The following NRXN2 variants were observed in gnomAD, a reference collection of about 807,000 sequenced individuals.
NRXN2 encodes the protein neurexin 2, also known as neurexin-2-beta.
In NRXN2, 29 loss-of-function variants were observed where a neutral mutation model predicts 128.8. The ratio of observed to expected loss-of-function variants is 0.23; its 90% CI spans 0.17 to 0.31. The LOEUF is 0.31. NRXN2 is among the 10% of genes least tolerant of loss of function. The pLI, the probability that NRXN2 is intolerant of heterozygous loss-of-function variation, is 1.00. For synonymous variants in NRXN2, 1,098 were observed against 1,075.2 expected (o/e 1.02, Z -0.41); for missense variants, 1,881 against 2,452.6 (o/e 0.77, Z 4.92).
At chr11:64,715,297 T>A in intron 1 of NRXN2, among the ~76,000 whole-genome samples, 1 of 152,184 alleles carries the variant, frequency 6.6e-6, no homozygotes, top group East Asian at 1.9e-4. Context: ...TCTGGGGACT[T>A]GCCCAAGGTC....
intron 2 of NRXN2, among the ~76,000 whole-genome samples, chr11:64,708,914 A>C (rs2135659581): frequency 6.6e-6 from 1 of 152,284 alleles, no homozygotes; most frequent in African/African-American, 2.4e-5. Flanking sequence ...TCAGTTGGCC[A>C]GGCGCAGTGG....
chr11:64,704,423 A>G (rs1398252824), intron 2 of NRXN2, among the ~76,000 whole-genome samples: 1 of 152,126 alleles, frequency 6.6e-6, no homozygotes, highest in Non-Finnish European at 1.5e-5. Flanking sequence ...GCCTTGCTCT[A>G]TAGGAGTCAT....
In NRXN2 at chr11:64,658,291, A is replaced by G. The variant is rs1443758900; in HGVS notation, c.2389+2041T>C. Among the ~76,000 whole-genome samples the G allele has an allele frequency of 2.6e-5, 4 of 152,302 alleles. No homozygotes were observed. The East Asian group carries it at 7.7e-4, about 29-fold the overall frequency. On this transcript the variant is annotated intron_variant, in intron 11 of 22. Transcript: ENST00000265459. ...GGGGGGAACTCACACTGGATACACA[A>G]ATCTGGGCAGACTTGGAAGTACAGA...
intron 3 of NRXN2, among the ~76,000 whole-genome samples, chr11:64,693,098 C>T (rs2054045210): frequency 7.5e-6 from 1 of 133,566 alleles, no homozygotes; most frequent in African/African-American, 2.9e-5. Context: ...GCCGAAACAG[C>T]GGGTGGAGGG....
At chr11:64,697,907 C>T (rs893041651) in intron 2 of NRXN2, 115 bp from the exon 3 acceptor site, 1 of 1,208,290 alleles carries the variant, frequency 8.3e-7, no homozygotes, top group African/African-American at 1.5e-5. Context: ...CAAGCCCACC[C>T]AGGCCCTGAC....
chr11:64,667,156 G>T lies in NRXN2; in HGVS notation c.1798+94C>A. On this transcript the variant is annotated intron_variant, in intron 9 of 22. Coordinates refer to ENST00000265459, the MANE Select transcript of NRXN2 (RefSeq NM_015080.4). The surrounding 1 kb of genome is among the most constrained non-coding windows in gnomAD (Gnocchi z 5.6). ...GGCAGGGAAGAATATAGGAAATGGT[G>T]TAGAAGAGACCCGCTGAAGAGAGAC... is the stretch of plus-strand genomic sequence containing the variant. 1 of 1,274,870 alleles carries T rather than the reference G, an allele frequency of 7.8e-7. No individual in the cohort carries two copies. The highest frequency in any genetic ancestry group is 1.1e-6 in the Non-Finnish European group (1 of 890,522). The allele number at this position is 1,274,870 out of a possible 1,614,324, so 79.0% of individuals were successfully genotyped here. A position where few individuals can be genotyped will look rare whatever the true frequency, so the allele number is the denominator to read the frequency against.
At chr11:64,621,080 G>A (rs2042276162) in intron 21 of NRXN2, among the ~76,000 whole-genome samples, 1 of 152,086 alleles carries the variant, frequency 6.6e-6, no homozygotes, top group African/African-American at 2.4e-5. Flanking sequence ...GGGAAGGTGA[G>A]GAGAGAGCTA....
At chr11:64,642,349 T>C (rs1464283743) in intron 17 of NRXN2, among the ~76,000 whole-genome samples, 1 of 144,178 alleles carries the variant, frequency 6.9e-6, no homozygotes, top group East Asian at 2.1e-4. Context: ...AGAGGAGAGA[T>C]GGAGGCAAGG....
intron 7 of NRXN2, chr11:64,675,136 G>A (rs752499147): frequency 1.3e-5 from 2 of 152,258 alleles, no homozygotes; most frequent in African/African-American, 2.4e-5. Context: ...CAATTGGCCA[G>A]CTCCTGACAG....
chr11:64,685,709 G>C lies in NRXN2; in HGVS notation c.1089C>G (p.Pro363=), dbSNP rs145225716. 5 of 1,614,102 alleles carry C rather than the reference G, an allele frequency of 3.1e-6. No homozygotes were observed. The highest frequency in any genetic ancestry group is 4.2e-6 in the Non-Finnish European group (5 of 1,180,060). ...GSGAFEALVE[P]VNGKFNDNAW... is the part of the protein sequence containing the mutation. ...CGTTGTCGTTGAACTTGCCATTGAC[G>C]GGTTCCACAAGGGCCTCGAAGGCAC... The change falls in exon 6 of 23, where the codon CCC becomes CCG. Residue 363 remains proline, a synonymous_variant. Coordinates refer to ENST00000265459, the MANE Select transcript of NRXN2 (RefSeq NM_015080.4).
chr11:64,613,938 G>A (rs2041072582), intron 22 of NRXN2, among the ~76,000 whole-genome samples: 1 of 152,166 alleles, frequency 6.6e-6, no homozygotes, highest in African/African-American at 2.4e-5. Flanking sequence ...TCTGGGCACT[G>A]AGGGAAAGGG....
intron 17 of NRXN2, chr11:64,642,611 G>A (rs959966631): frequency 1.2e-6 from 2 of 1,610,362 alleles, no homozygotes; most frequent in Non-Finnish European, 8.5e-7. Context: ...CTGTGGAAGT[G>A]GTGGACGTGG....
intron 11 of NRXN2, among the ~76,000 whole-genome samples, chr11:64,657,109 G>A (rs979198664): frequency 2.6e-5 from 4 of 152,186 alleles, no homozygotes; most frequent in Non-Finnish European, 5.9e-5. Context: ...TGAGGCCAGA[G>A]ACCAAGCCTC....
chr11:64,690,542 G>GATCC, intron 4 of NRXN2, 66 bp from the exon 5 acceptor site: 2 of 1,381,396 alleles, frequency 1.4e-6, no homozygotes, highest in Non-Finnish European at 2.0e-6. Flanking sequence ...CAGCCTTGAG[G>GATCC]GGATGAAGGG....
chr11:64,627,786 G>T (rs1459761838), intron 19 of NRXN2, among the ~76,000 whole-genome samples: 1 of 152,156 alleles, frequency 6.6e-6, no homozygotes, highest in African/African-American at 2.4e-5. Flanking sequence ...TTGAGAATCT[G>T]GCCACTCCTC....
intron 1 of NRXN2, among the ~76,000 whole-genome samples, chr11:64,719,658 G>A (rs2057383272): frequency 6.6e-6 from 1 of 152,174 alleles, no homozygotes; most frequent in African/African-American, 2.4e-5. Flanking sequence ...AGTGGGGGCC[G>A]GAGGACAGGT....
At chr11:64,661,364 G>T in intron 9 of NRXN2, 1 of 1,438,358 alleles carries the variant, frequency 7.0e-7, no homozygotes, top group Non-Finnish European at 9.1e-7. Flanking sequence ...CGCAGCCCCA[G>T]CCCAGCTGCA....
At chr11:64,712,249 ACC>A (rs1170229144) in intron 2 of NRXN2, among the ~76,000 whole-genome samples, 8 of 61,372 alleles carry the variant, frequency 1.3e-4, no homozygotes, top group African/African-American at 5.0e-4. Flanking sequence ...GACCCCACTC[ACC>A]CCCTCACAGC....
chr11:64,721,254 A>G (rs1391051012), intron 1 of NRXN2, among the ~76,000 whole-genome samples: 3 of 151,662 alleles, frequency 2.0e-5, no homozygotes, highest in Non-Finnish European at 2.9e-5. Flanking sequence ...GGACCTGGGT[A>G]GTGACTGAGC....
Sources: gnomAD v4.1 joint callset for allele counts (sites outside exome capture counted in the v4.1 genomes callset) on GRCh38, gnomAD v4.1.1 for gene constraint, Gnocchi (gnomAD v3.1) non-coding constraint, MANE v1.5 for transcripts, NCBI Gene and HGNC (gene_info 2026-07-23, HGNC 2026-07-21) for gene names.